The following DNAAF11 variants were observed in gnomAD, a reference collection of about 807,000 sequenced individuals.
DNAAF11 encodes leucine rich repeat containing 6.
Under a neutral mutation model 60.8 loss-of-function variants are expected in DNAAF11, and 45 were observed. The observed-to-expected ratio is 0.74, with a 90% CI of 0.58 to 0.95. The LOEUF (loss-of-function observed/expected upper bound fraction) is 0.95, where lower values mean the gene tolerates loss of function less well. Ranked by LOEUF, DNAAF11 falls within the 40% of genes least tolerant of loss-of-function variation. The pLI, the probability that DNAAF11 is intolerant of heterozygous loss-of-function variation, is 0.00. For synonymous variants in DNAAF11, 191 were observed against 183.5 expected (o/e 1.04, Z -0.33); for missense variants, 546 against 546.2 (o/e 1.00, Z 0.00).
At chr8:132,617,625 G>C (rs1469730901) in intron 7 of DNAAF11, among the ~76,000 whole-genome samples, 1 of 152,046 alleles carries the variant, frequency 6.6e-6, no homozygotes, top group East Asian at 1.9e-4. Flanking sequence ...TCCTTCTCTT[G>C]CCTAGTTGCC....
Position 132,661,447 on chromosome 8 carries a change from T to C in DNAAF11, c.178+13A>G, listed in dbSNP as rs200580615. The C allele has an allele frequency of 2.7e-4, 431 of 1,603,004 alleles. No homozygotes were observed. The highest frequency in any genetic ancestry group is 3.5e-4 in the Non-Finnish European group (415 of 1,171,620). On this transcript the variant is annotated intron_variant, in intron 2 of 11. Transcript: ENST00000620350. The stretch of plus-strand genomic sequence containing the variant: ...TGTTCAAGAAACCATGAGAACTAAG[T>C]ACTGAAACTTACCAATTTTCCCAAT...
At chr8:132,612,282 A>C (rs1254287969) in intron 8 of DNAAF11, among the ~76,000 whole-genome samples, 2 of 152,218 alleles carry the variant, frequency 1.3e-5, no homozygotes, top group African/African-American at 4.8e-5. Flanking sequence ...ATAAAGCATC[A>C]TTATATGCCA....
At chr8:132,596,802 C>T (rs547154453) in intron 10 of DNAAF11, among the ~76,000 whole-genome samples, 103 of 152,306 alleles carry the variant, frequency 6.8e-4, no homozygotes, top group African/African-American at 2.4e-3. Context: ...TCCTGTTGCC[C>T]CCTGTAAGGA....
At chr8:132,691,240 A>G in the DNAAF11 span, among the ~76,000 whole-genome samples, 14 of 150,588 alleles carry the variant, frequency 9.3e-5, no homozygotes, top group African/African-American at 3.5e-4. Flanking sequence ...AGAATCCACT[A>G]TTATTTTAAT....
intron 3 of DNAAF11, chr8:132,643,826 T>A (rs1822097547): frequency 4.7e-6 from 2 of 428,700 alleles, no homozygotes; most frequent in Non-Finnish European, 9.4e-6. Flanking sequence ...CTCTAGGCAG[T>A]AGGACTTAGA....
intron 6 of DNAAF11, among the ~76,000 whole-genome samples, chr8:132,624,495 C>T (rs1820060243): frequency 6.6e-6 from 1 of 152,148 alleles, no homozygotes; most frequent in African/African-American, 2.4e-5. Flanking sequence ...CTCCCTAAAA[C>T]TTTATGAAAG....
chr8:132,695,089 T>G, the DNAAF11 span, among the ~76,000 whole-genome samples: 4 of 152,188 alleles, frequency 2.6e-5, no homozygotes, highest in Non-Finnish European at 5.9e-5. Flanking sequence ...TGAAGGTTGT[T>G]GACGTCTTTA....
At chr8:132,683,715 CAT>C in the DNAAF11 span, among the ~76,000 whole-genome samples, 1 of 152,162 alleles carries the variant, frequency 6.6e-6, no homozygotes, top group African/African-American at 2.4e-5. Context: ...GATAGTTTCT[CAT>C]GTGTTACTTT....
chr8:132,653,439 C>T (rs1297031823), intron 3 of DNAAF11, among the ~76,000 whole-genome samples: 3 of 151,948 alleles, frequency 2.0e-5, no homozygotes, highest in African/African-American at 7.2e-5. Flanking sequence ...AACTCAAATG[C>T]ATTTGATAAA....
Position 132,570,639 on chromosome 8 carries a change from T to C in DNAAF11, c.*1667A>G, listed in dbSNP as rs771796837. The stretch of plus-strand genomic sequence containing the variant: ...CGTGGTTCCTGGGTAGAGTTGACCA[T>C]GAAGAAAGGTGTTATACTCAGTCAT... On this transcript the variant is annotated 3_prime_UTR_variant, in exon 12 of 12. Transcript: ENST00000620350. Among the ~76,000 whole-genome samples the C allele has an allele frequency of 6.6e-6, 1 of 152,250 alleles. No homozygotes were observed. Among genetic ancestry groups the C allele is most frequent in the South Asian group, 2.1e-4 (1 of 4,816 alleles).
chr8:132,675,409 G>A, intron 1 of DNAAF11, 75 bp downstream of exon 1: 4 of 1,481,106 alleles, frequency 2.7e-6, no homozygotes, highest in East Asian at 2.6e-5. Context: ...GGGAGCGGGC[G>A]GCGAGGATCC....
chr8:132,581,482 TCTA>T, intron 11 of DNAAF11, among the ~76,000 whole-genome samples: 1 of 151,656 alleles, frequency 6.6e-6, no homozygotes, highest in East Asian at 1.9e-4. Context: ...AAACCCTGTC[TCTA>T]CTAAAAATAC....
chr8:132,634,182 T>C (rs1046575080), intron 4 of DNAAF11, among the ~76,000 whole-genome samples: 1 of 152,230 alleles, frequency 6.6e-6, no homozygotes, highest in Non-Finnish European at 1.5e-5. Context: ...AGGACTCATA[T>C]GGTTGCTATA....
intron 11 of DNAAF11, among the ~76,000 whole-genome samples, chr8:132,574,713 G>A (rs912579826): frequency 1.3e-5 from 2 of 152,082 alleles, no homozygotes; most frequent in Non-Finnish European, 2.9e-5. Context: ...CTGAACCTGG[G>A]GTCATCTTGG....
intron 4 of DNAAF11, among the ~76,000 whole-genome samples, chr8:132,637,277 T>C (rs902929798): frequency 7.9e-5 from 12 of 152,148 alleles, no homozygotes; most frequent in African/African-American, 2.7e-4. Context: ...AGTCTGTGTT[T>C]TGAAAAGGCC....
At chr8:132,672,166 T>C (rs1486639823) in intron 1 of DNAAF11, among the ~76,000 whole-genome samples, 1 of 152,076 alleles carries the variant, frequency 6.6e-6, no homozygotes, top group Non-Finnish European at 1.5e-5. Flanking sequence ...AATCAATGTA[T>C]AAAATGGGCA....
Position 132,651,809 on chromosome 8 carries a change from A to C in DNAAF11, c.256+5021T>G, listed in dbSNP as rs1823044889. Among the ~76,000 whole-genome samples the C allele has an allele frequency of 2.0e-5, 3 of 152,162 alleles. No individual in the cohort carries two copies. In the South Asian group the frequency reaches 6.2e-4, roughly 32 times the overall value. On this transcript the variant is annotated intron_variant, in intron 3 of 11. Transcript: ENST00000620350. ...TACCACAAAACATGGACATACAGTA[A>C]ATTTTATTATTCCATTTGTTCACAG...
rs1040578063 is a variant in DNAAF11 at position 132,571,353 on chromosome 8, G to A, written c.*953C>T. Reference sequence around the variant, plus strand: ...AATATTTGGGGAAACTGACTTAAATGTTGCTATATCATGATCAGAGTAACA... The same window carrying A: ...AATATTTGGGGAAACTGACTTAAATATTGCTATATCATGATCAGAGTAACA... On this transcript the variant is annotated 3_prime_UTR_variant, in exon 12 of 12. Coordinates refer to ENST00000620350, the MANE Select transcript of DNAAF11 (RefSeq NM_012472.6). Among the ~76,000 whole-genome samples the A allele has an allele frequency of 2.0e-5, 3 of 152,126 alleles. No homozygotes were observed. Among genetic ancestry groups the A allele is most frequent in the African/African-American group, 7.2e-5 (3 of 41,414 alleles).
Position 132,572,307 on chromosome 8 carries a change from CA to C in DNAAF11, c.1399del (p.Ter467GlufsTer10), listed in dbSNP as rs1419785227. The C allele has an allele frequency of 2.5e-6, 4 of 1,611,664 alleles. No homozygotes were observed. The highest frequency in any genetic ancestry group is 3.4e-6 in the Non-Finnish European group (4 of 1,179,062). On this transcript the variant is annotated frameshift_variant and stop_lost, in exon 12 of 12. Coordinates refer to ENST00000620350, the MANE Select transcript of DNAAF11 (RefSeq NM_012472.6). LOFTEE classifies it high-confidence loss of function. Reference sequence around the variant, plus strand: ...CCAATGGCAACGCAGCCAGATGTTTCAAATCAGCGGAGGCACTTCAGGGTTG... The same window carrying C: ...CCAATGGCAACGCAGCCAGATGTTTCAATCAGCGGAGGCACTTCAGGGTTG... ...EDNPEVPPLI[*>X]
Sources: allele counts gnomAD v4.1 joint callset (sites outside exome capture counted in the v4.1 genomes callset), GRCh38; gene constraint gnomAD v4.1.1; transcripts MANE v1.5; gene names NCBI Gene and HGNC (gene_info 2026-07-23, HGNC 2026-07-21).